Variants in DKC1 observed in about 807,000 individuals in gnomAD.
The protein encoded by DKC1 is H/ACA ribonucleoprotein complex subunit DKC1.
Under a neutral mutation model 46.7 loss-of-function variants are expected in DKC1, and 4 were observed. The ratio of observed to expected loss-of-function variants is 0.09; its 90% CI spans 0.04 to 0.20. The LOEUF is 0.20. DKC1 is among the 10% of genes least tolerant of loss of function. DKC1 has a pLI of 1.00. For synonymous variants in DKC1, 141 were observed against 142.4 expected, an observed-to-expected ratio of 0.99 and a Z score of 0.07; for missense variants, 171 against 404.2, an observed-to-expected ratio of 0.42 and a Z score of 4.95.
At position 154,776,275 on chromosome X, in the gene DKC1, A is replaced by G; in HGVS notation, c.1427A>G (p.Asp476Gly). Residue 476 changes from aspartate to glycine, a missense_variant, in exon 14 of 15, where the codon GAC (aspartate) becomes GGC (glycine). By Grantham distance (94) the Asp-to-Gly change is moderately conservative (BLOSUM62 -1). Coordinates refer to ENST00000369550, the MANE Select transcript of DKC1 (RefSeq NM_001363.5). ...IKKEKKKSKKDKKAKAGLESG... is the reference protein window; with the variant it reads ...IKKEKKKSKKGKKAKAGLESG... ...AAGGAAAAGAAGAAGAGTAAGAAGG[A>G]CAAGAAGGCCAAAGCTGGTCTGGAG... 1 of 1,209,752 alleles carries G rather than the reference A, an allele frequency of 8.3e-7. No homozygotes were observed. The highest frequency in any genetic ancestry group is 1.1e-6 in the Non-Finnish European group (1 of 894,214).
chrX:154,769,341 A>G lies in DKC1; in HGVS notation c.915+31A>G, dbSNP rs782487092. 22 of 1,193,794 alleles carry G rather than the reference A, an allele frequency of 1.8e-5. No homozygotes were observed. The South Asian group carries it at 2.3e-4, about 12-fold the overall frequency. On this transcript the variant is annotated intron_variant, in intron 9 of 14. Transcript: ENST00000369550. ...TTCCGGGTTAGGAGTTTATATTTGG[A>G]AAGAACGTACTCCAAAGATGAGGCT...
At position 154,768,090 on chromosome X, in the gene DKC1, TCCAC is replaced by T. The variant is rs2071773315; in HGVS notation, c.641-209_641-206del. The T allele has an allele frequency of 9.9e-5, 43 of 433,708 alleles. 1 individual carries two copies. The East Asian group carries it at 1.8e-3, about 18-fold the overall frequency. 35.7% of individuals were successfully genotyped at this position (433,708 alleles called of 1,213,427 possible). A position where few individuals can be genotyped will look rare whatever the true frequency, so the allele number is the denominator to read the frequency against. ...TGGTCTTGATCTCCTGACGTCGTGA[TCCAC>T]CCGCCTCTGCCTCCCAAAGTGCTGG... On this transcript the variant is annotated intron_variant, in intron 7 of 14. Transcript: ENST00000369550.
At chrX:154,764,843 C>A (rs1557263972) in intron 1 of DKC1, 56 bp from the exon 2 acceptor site, 7 of 959,438 alleles carry the variant, frequency 7.3e-6, no homozygotes, top group African/African-American at 1.9e-5. Context: ...TTATTTTAAA[C>A]CCTTGTTTCA....
intron 7 of DKC1, 82 bp from the exon 8 acceptor site, chrX:154,768,220 T>C: frequency 8.9e-7 from 1 of 1,121,593 alleles, no homozygotes. Flanking sequence ...TCTTGGTGGC[T>C]CAGATGAAGG....
intron 1 of DKC1, among the ~76,000 whole-genome samples, chrX:154,763,826 C>T (rs946366979): frequency 1.5e-4 from 17 of 111,489 alleles, no homozygotes; most frequent in African/African-American, 4.9e-4. Flanking sequence ...TGGGACACAG[C>T]GTCGAGAGTT....
At chrX:154,769,756 T>G (rs782259887) in intron 9 of DKC1, among the ~76,000 whole-genome samples, 102 of 112,953 alleles carry the variant, frequency 9.0e-4, no homozygotes, top group Non-Finnish European at 1.3e-3. Context: ...ATTTTTTGTA[T>G]GTGTATAGGC....
intron 5 of DKC1, 140 bp downstream of exon 5, chrX:154,766,540 T>A: frequency 3.2e-6 from 2 of 623,014 alleles, no homozygotes; most frequent in Non-Finnish European, 4.9e-6. Flanking sequence ...GGTTTCTGTG[T>A]ACGTTCTGTC....
chrX:154,771,162 ATTC>A (rs1163852849), intron 10 of DKC1, among the ~76,000 whole-genome samples: 4 of 80,020 alleles, frequency 5.0e-5, no homozygotes, highest in Non-Finnish European at 7.7e-5. Flanking sequence ...CTTCTTGTTC[ATTC>A]TTTTGGTTTT....
chrX:154,775,501 G>T (rs1557265596), intron 13 of DKC1, among the ~76,000 whole-genome samples: 1 of 111,978 alleles, frequency 8.9e-6, no homozygotes, highest in East Asian at 2.8e-4. Flanking sequence ...GAGGAATGTG[G>T]GCTCAGGAAT....
Position 154,776,176 on chromosome X carries a change from T to C in DKC1, c.1339-11T>C. The C allele has an allele frequency of 8.3e-7, 1 of 1,211,558 alleles. No homozygotes were observed. The highest frequency in any genetic ancestry group is 1.8e-5 in the South Asian group (1 of 56,996). ...CAAGATCTAACACTTAACCAATTGC[T>C]TTCATCTCAGCGGAAGCGAGAGAGT... is the stretch of plus-strand genomic sequence containing the variant. On this transcript the variant is annotated splice_polypyrimidine_tract_variant and intron_variant, in intron 13 of 14. Transcript: ENST00000369550.
At chrX:154,772,758 A>C (rs2071840214) in intron 10 of DKC1, among the ~76,000 whole-genome samples, 1 of 112,196 alleles carries the variant, frequency 8.9e-6, no homozygotes, top group Non-Finnish European at 1.9e-5. Context: ...TAGCTCTGTG[A>C]GCAGGCAAGG....
intron 10 of DKC1, 137 bp downstream of exon 10, chrX:154,771,016 A>G: frequency 5.0e-6 from 3 of 598,623 alleles, no homozygotes; most frequent in Non-Finnish European, 5.4e-6. Context: ...TGGGGCATCC[A>G]TCTTAAGCAT....
At chrX:154,767,507 T>C in intron 7 of DKC1, 125 bp downstream of exon 7, 6 of 831,396 alleles carry the variant, frequency 7.2e-6, no homozygotes, top group Non-Finnish European at 1.1e-5. Context: ...ATATTGTCTG[T>C]GGGCGATAGT....
At chrX:154,765,378 G>A in intron 2 of DKC1, 66 bp from the exon 3 acceptor site, 1 of 879,904 alleles carries the variant, frequency 1.1e-6, no homozygotes, top group Non-Finnish European at 1.7e-6. Context: ...ACATTTCCAT[G>A]GCAGTAATGG....
At chrX:154,773,433 G>A (rs2071850459) in intron 11 of DKC1, among the ~76,000 whole-genome samples, 184 bp downstream of exon 11, 1 of 108,621 alleles carries the variant, frequency 9.2e-6, no homozygotes, top group African/African-American at 3.4e-5. Flanking sequence ...GTTTTCCTAG[G>A]CAGAGGACCC....
At chrX:154,772,521 G>A (rs1430361727) in intron 10 of DKC1, among the ~76,000 whole-genome samples, 2 of 112,415 alleles carry the variant, frequency 1.8e-5, no homozygotes, top group Admixed American at 1.9e-4. Context: ...CAGGTAATGT[G>A]ATTCCTCCAG....
chrX:154,772,581 G>T (rs1268653557), intron 10 of DKC1, among the ~76,000 whole-genome samples: 6 of 112,404 alleles, frequency 5.3e-5, no homozygotes, highest in African/African-American at 1.9e-4. Flanking sequence ...GTCTTTTGTG[G>T]TTCCATGTAA....
chrX:154,768,993 CAAAA>C (rs1158256142), intron 8 of DKC1, among the ~76,000 whole-genome samples, 170 bp from the exon 9 acceptor site: 1 of 16,348 alleles, frequency 6.1e-5, no homozygotes, highest in African/African-American at 1.6e-4. Flanking sequence ...GACTCCGTCT[CAAAA>C]AAAAAAAAAA....
chrX:154,774,195 T>C (rs2071865938), intron 11 of DKC1, among the ~76,000 whole-genome samples: 1 of 110,970 alleles, frequency 9.0e-6, no homozygotes, highest in Non-Finnish European at 1.9e-5. Context: ...TACCAAGGAG[T>C]GCAGAGAGGT....
Sources: gnomAD v4.1 joint callset for allele counts (sites outside exome capture counted in the v4.1 genomes callset) on GRCh38, gnomAD v4.1.1 for gene constraint, MANE v1.5 for transcripts, NCBI Gene and HGNC (gene_info 2026-07-23, HGNC 2026-07-21) for gene names.